Variants in ATAD2B observed in about 807,000 individuals in gnomAD.
ATAD2B encodes the protein ATPase family AAA domain-containing protein 2B.
Under a neutral mutation model 167.6 loss-of-function variants are expected in ATAD2B, and 40 were observed. The ratio of observed to expected loss-of-function variants is 0.24; its 90% CI spans 0.19 to 0.31. ATAD2B has a LOEUF of 0.31. Ranked by LOEUF, ATAD2B falls within the 10% of genes least tolerant of loss-of-function variation. The pLI is 1.00. For missense variants in ATAD2B, 1,242 were observed against 1,757.2 expected (o/e 0.71, Z 5.24); for synonymous variants, 579 against 596.5 (o/e 0.97, Z 0.43).
chr2:23,877,080 A>AG (rs1320187666), intron 7 of ATAD2B, among the ~76,000 whole-genome samples: 34 of 151,464 alleles, frequency 2.2e-4, no homozygotes, highest in Non-Finnish European at 2.2e-4. Context: ...AAAAAAAAAA[A>AG]AAAAGAAAGA....
chr2:23,756,232 C>G (rs1006540194), intron 25 of ATAD2B, among the ~76,000 whole-genome samples: 1 of 152,084 alleles, frequency 6.6e-6, no homozygotes, highest in Non-Finnish European at 1.5e-5. Context: ...GAATACTGCT[C>G]TGAAAACTAT....
intron 26 of ATAD2B, 116 bp downstream of exon 26, chr2:23,754,531 T>C: frequency 1.5e-6 from 2 of 1,331,116 alleles, no homozygotes; most frequent in Non-Finnish European, 2.1e-6. Context: ...CTAGGAGCTC[T>C]GAGGCATTTA....
intron 13 of ATAD2B, among the ~76,000 whole-genome samples, chr2:23,851,357 T>C (rs562869540): frequency 6.6e-6 from 1 of 152,282 alleles, no homozygotes; most frequent in African/African-American, 2.4e-5. Context: ...CCCAGGCTGG[T>C]CTCAAACTGC....
the ATAD2B span, chr2:23,695,965 A>G: frequency 6.4e-7 from 1 of 1,551,354 alleles, no homozygotes; most frequent in Non-Finnish European, 8.7e-7. The surrounding 1 kb of genome is among the most constrained non-coding windows in gnomAD (Gnocchi z 7.6). Context: ...GGCTGAGGTC[A>G]TCGTCTTGGT....
At chr2:23,706,665 C>T in the ATAD2B span, 2 of 1,517,616 alleles carry the variant, frequency 1.3e-6, no homozygotes, top group Admixed American at 2.0e-5. Context: ...AAGCGGCTGA[C>T]ATCAGCAGAA....
intron 17 of ATAD2B, among the ~76,000 whole-genome samples, chr2:23,819,207 A>AT (rs1687061181): frequency 6.6e-6 from 1 of 152,194 alleles, no homozygotes; most frequent in Non-Finnish European, 1.5e-5. Context: ...TTTAAAAAAA[A>AT]GTAAACTTAG....
chr2:23,767,279 C>T (rs932800493), intron 22 of ATAD2B, among the ~76,000 whole-genome samples: 1 of 152,070 alleles, frequency 6.6e-6, no homozygotes, highest in Non-Finnish European at 1.5e-5. Flanking sequence ...TTAAATTAGC[C>T]AATCGGAATT....
chr2:23,844,239 C>T (rs1283261781), intron 13 of ATAD2B, among the ~76,000 whole-genome samples: 1 of 151,950 alleles, frequency 6.6e-6, no homozygotes, highest in East Asian at 1.9e-4. Context: ...TGCGCCCAGC[C>T]GACAAATCTT....
chr2:23,835,041 A>G (rs1340861698), intron 13 of ATAD2B, among the ~76,000 whole-genome samples: 3 of 152,172 alleles, frequency 2.0e-5, no homozygotes, highest in Non-Finnish European at 4.4e-5. Flanking sequence ...CTATAATCAG[A>G]CAGATAATTA....
chr2:23,882,622 C>T (rs1698097823), intron 6 of ATAD2B, among the ~76,000 whole-genome samples: 1 of 149,940 alleles, frequency 6.7e-6, no homozygotes, highest in Non-Finnish European at 1.5e-5. Flanking sequence ...TCCTGGCTAA[C>T]ACAGTGAAAC....
At chr2:23,768,130 A>G (rs1677726007) in intron 22 of ATAD2B, among the ~76,000 whole-genome samples, 1 of 152,216 alleles carries the variant, frequency 6.6e-6, no homozygotes, top group Non-Finnish European at 1.5e-5. Flanking sequence ...CTAAGTTTAA[A>G]AATAGATCTA....
chr2:23,721,236 G>A, the ATAD2B span, among the ~76,000 whole-genome samples: 1 of 152,142 alleles, frequency 6.6e-6, no homozygotes, highest in Admixed American at 6.5e-5. Flanking sequence ...TAGCCCTCAG[G>A]TGCCCCACCC....
the ATAD2B span, among the ~76,000 whole-genome samples, chr2:23,739,427 G>A: frequency 6.6e-6 from 1 of 152,104 alleles, no homozygotes. Flanking sequence ...CATGGAAACT[G>A]AACAACCTGC....
chr2:23,840,265 C>G (rs569643822), intron 13 of ATAD2B, among the ~76,000 whole-genome samples: 1 of 152,218 alleles, frequency 6.6e-6, no homozygotes, highest in Non-Finnish European at 1.5e-5. Flanking sequence ...AAGCTTAGGC[C>G]TTTATGCTCT....
At chr2:23,825,354 C>T (rs1051782809) in intron 15 of ATAD2B, among the ~76,000 whole-genome samples, 13 of 151,964 alleles carry the variant, frequency 8.6e-5, no homozygotes, top group Non-Finnish European at 1.8e-4. Flanking sequence ...CTTAATATGA[C>T]CTAGAAGAAC....
chr2:23,783,175 T>C, intron 21 of ATAD2B, 147 bp from the exon 22 acceptor site: 1 of 441,928 alleles, frequency 2.3e-6, no homozygotes, highest in Non-Finnish European at 3.9e-6. Flanking sequence ...GCGCTATTTA[T>C]GCTACCAAAG....
chr2:23,872,415 A>C (rs72788278), intron 8 of ATAD2B: 92,072 of 711,426 alleles, frequency 0.13, 6,632 homozygotes, highest in Middle Eastern at 0.19. Context: ...CAGAGAGACC[A>C]TCCAAATGTT....
intron 24 of ATAD2B, among the ~76,000 whole-genome samples, chr2:23,760,892 C>G (rs970792044): frequency 6.6e-6 from 1 of 151,850 alleles, no homozygotes; most frequent in Non-Finnish European, 1.5e-5. Flanking sequence ...AGCAACTACG[C>G]CTTAGGGACA....
At chr2:23,696,644 C>A in the ATAD2B span, 1 of 692,990 alleles carries the variant, frequency 1.4e-6, no homozygotes, top group Non-Finnish European at 2.4e-6. The surrounding 1 kb of genome is among the most constrained non-coding windows in gnomAD (Gnocchi z 5.5). Flanking sequence ...TATGGGCAGT[C>A]ATCCCAGGCT....
Sources: gnomAD v4.1 joint callset for allele counts (sites outside exome capture counted in the v4.1 genomes callset) on GRCh38, gnomAD v4.1.1 for gene constraint, Gnocchi (gnomAD v3.1) non-coding constraint, MANE v1.5 for transcripts, NCBI Gene and HGNC (gene_info 2026-07-23, HGNC 2026-07-21) for gene names.